Variants in IL1RN observed in about 807,000 individuals in gnomAD.
IL1RN encodes the protein interleukin-1 receptor antagonist protein.
A neutral mutation model predicts 13.7 loss-of-function variants in IL1RN; 10 were observed. The ratio of observed to expected loss-of-function variants is 0.73; its 90% confidence interval spans 0.45 to 1.24. The LOEUF (loss-of-function observed/expected upper bound fraction) is 1.24, where lower values mean the gene tolerates loss of function less well. Ranked by LOEUF, IL1RN falls within the 50% of genes most tolerant of loss-of-function variation. The probability of loss-of-function intolerance (pLI) is 0.00; values close to 1 mark genes in which losing one functional copy is unlikely to be tolerated. For missense variants in IL1RN, 213 were observed against 222.1 expected, an observed-to-expected ratio of 0.96 and a Z score of 0.26; for synonymous variants, 102 against 82.7, an observed-to-expected ratio of 1.23 and a Z score of -1.27.
intron 2 of IL1RN, among the ~76,000 whole-genome samples, chr2:113,130,307 G>A (rs1037540273): frequency 9.2e-5 from 14 of 152,128 alleles, no homozygotes; most frequent in East Asian, 1.9e-4. Context: ...CCTGTGCCTC[G>A]CTCTGAAAGT....
At chr2:113,117,198 C>A (rs1363136059), upstream of IL1RN, among the ~76,000 whole-genome samples, 4 of 152,218 alleles carry the variant, frequency 2.6e-5, no homozygotes, top group Non-Finnish European at 5.9e-5. Flanking sequence ...GCCTTGTGGA[C>A]AATGTCACGG....
chr2:113,101,101 A>C, the IL1RN span, among the ~76,000 whole-genome samples: 3 of 152,100 alleles, frequency 2.0e-5, no homozygotes, highest in African/African-American at 7.3e-5. Flanking sequence ...TTGAGTCTCT[A>C]AGAGTAGTGA....
In IL1RN at chr2:113,133,880, C is replaced by G. The variant is rs1384000165; in HGVS notation, c.*1009C>G. 6.5e-6 allele frequency: 1 copy of G among 152,776 alleles called. No individual in the cohort carries two copies. Among genetic ancestry groups the G allele is most frequent in the Non-Finnish European group, 1.5e-5 (1 of 68,134 alleles). 9.5% of individuals were successfully genotyped at this position (152,776 alleles called of 1,614,324 possible). ...CAGGAAACATGACTCGTATATGTCT[C>G]AGGTCCCTGCAGGGCCAAGCACCTA... On this transcript the variant is annotated 3_prime_UTR_variant, in exon 4 of 4. Coordinates refer to ENST00000409930, the MANE Select transcript of IL1RN (RefSeq NM_173842.3).
upstream of IL1RN, among the ~76,000 whole-genome samples, chr2:113,114,680 T>TGA (rs143704495): frequency 6.6e-5 from 10 of 151,008 alleles, no homozygotes; most frequent in East Asian, 3.9e-4. Flanking sequence ...TGTGTGTGTG[T>TGA]GAGAGAGAGA....
chr2:113,118,363 G>C (rs4251971), intron 1 of IL1RN, among the ~76,000 whole-genome samples: 2,820 of 152,306 alleles, frequency 0.019, 101 homozygotes, highest in African/African-American at 0.064. Flanking sequence ...AAATAGCCCT[G>C]TTAAATGAGA....
At chr2:113,101,592 C>T in the IL1RN span, among the ~76,000 whole-genome samples, 2 of 152,104 alleles carry the variant, frequency 1.3e-5, no homozygotes, top group African/African-American at 4.8e-5. Context: ...TTAACAATAG[C>T]ATCCCAACAT....
intron 1 of IL1RN, among the ~76,000 whole-genome samples, chr2:113,128,308 C>T (rs1271278516): frequency 6.6e-6 from 1 of 152,074 alleles, no homozygotes; most frequent in African/African-American, 2.4e-5. Flanking sequence ...AAAATGGAAT[C>T]GGCTTTGTGA....
chr2:113,132,562 G>C, intron 3 of IL1RN, 94 bp from the exon 4 acceptor site: 1 of 1,175,774 alleles, frequency 8.5e-7, no homozygotes, highest in Non-Finnish European at 1.3e-6. Context: ...ACTCTGGGCT[G>C]TCCAGAGGGC....
intron 1 of IL1RN, chr2:113,119,991 C>A: frequency 8.6e-7 from 1 of 1,159,496 alleles, no homozygotes; most frequent in Non-Finnish European, 1.3e-6. Context: ...CTTTGTGTTA[C>A]CTTGGACAAG....
upstream of IL1RN, among the ~76,000 whole-genome samples, chr2:113,116,545 C>A (rs4251959): frequency 0.021 from 3,178 of 152,282 alleles, 41 homozygotes; most frequent in African/African-American, 0.03. Flanking sequence ...CTCCCACCCC[C>A]ATTCAGGCCC....
intron 2 of IL1RN, 66 bp from the exon 3 acceptor site, chr2:113,130,979 C>T (rs1434377016): frequency 2.7e-5 from 28 of 1,020,662 alleles, no homozygotes; most frequent in East Asian, 4.7e-5. Flanking sequence ...GAAAAATACC[C>T]GGGGTCTCTT....
At chr2:113,100,195 G>A in the IL1RN span, among the ~76,000 whole-genome samples, 34 of 151,148 alleles carry the variant, frequency 2.2e-4, no homozygotes, top group African/African-American at 5.8e-4. Context: ...GCGTGGTGGC[G>A]GGCGCCTGTA....
upstream of IL1RN, among the ~76,000 whole-genome samples, chr2:113,110,248 C>T (rs1392532955): frequency 6.6e-6 from 1 of 152,224 alleles, no homozygotes; most frequent in Non-Finnish European, 1.5e-5. Flanking sequence ...ATCCCAGGTC[C>T]TACTCTGAAG....
At chr2:113,118,638 A>G (rs1219679499) in intron 1 of IL1RN, among the ~76,000 whole-genome samples, 4 of 152,246 alleles carry the variant, frequency 2.6e-5, no homozygotes, top group Non-Finnish European at 4.4e-5. Context: ...TATTTAAATT[A>G]TAAGCTGCCA....
chr2:113,106,329 C>G (rs1440561917), upstream of IL1RN, among the ~76,000 whole-genome samples: 1 of 152,080 alleles, frequency 6.6e-6, no homozygotes, highest in Non-Finnish European at 1.5e-5. Context: ...ATTTTTGAAG[C>G]TTTCCCCAGG....
chr2:113,111,328 A>G (rs1686490080), intron 1 of IL1RN: 3 of 152,204 alleles, frequency 2.0e-5, no homozygotes, highest in African/African-American at 7.2e-5. Context: ...GCATTTCCTG[A>G]CTACATATCT....
upstream of IL1RN, among the ~76,000 whole-genome samples, chr2:113,116,453 G>A (rs1477326522): frequency 6.6e-6 from 1 of 151,380 alleles, no homozygotes; most frequent in Non-Finnish European, 1.5e-5. Context: ...AGGAAGTGAA[G>A]GCCCCATGGG....
At chr2:113,131,248 G>T in intron 3 of IL1RN, 91 bp downstream of exon 3, 3 of 793,206 alleles carry the variant, frequency 3.8e-6, no homozygotes, top group Admixed American at 1.9e-5. Context: ...GGTTGACCAG[G>T]ATTAGCTGGG....
chr2:113,099,723 C>CTTT, the IL1RN span, among the ~76,000 whole-genome samples: 3,076 of 71,856 alleles, frequency 0.043, 755 homozygotes, highest in Middle Eastern at 0.06. Flanking sequence ...CCTCTTCTTT[C>CTTT]TTTTCTTTTT....
Sources: allele counts gnomAD v4.1 joint callset (sites outside exome capture counted in the v4.1 genomes callset), GRCh38; gene constraint gnomAD v4.1.1; transcripts MANE v1.5; gene names NCBI Gene and HGNC (gene_info 2026-07-23, HGNC 2026-07-21).